SLCO1A2: variants seen among roughly 807,000 people sequenced by gnomAD.
SLCO1A2 encodes the protein OATP-1.
SLCO1A2 carries 67 observed loss-of-function variants against 69.0 expected under a neutral mutation model. The ratio of observed to expected loss-of-function variants is 0.97; its 90% confidence interval spans 0.80 to 1.19. SLCO1A2 has a LOEUF of 1.19. Among genes scored for constraint, SLCO1A2 ranks in the 50% most tolerant of loss-of-function variants. The probability of loss-of-function intolerance (pLI) is 0.00; values close to 1 mark genes in which losing one functional copy is unlikely to be tolerated. For synonymous variants in SLCO1A2, 260 were observed against 265.9 expected, an observed-to-expected ratio of 0.98 and a Z score of 0.22; for missense variants, 787 against 793.7, an observed-to-expected ratio of 0.99 and a Z score of 0.10.
chr12:21,357,992 G>A (rs963169542), intron 2 of SLCO1A2, among the ~76,000 whole-genome samples: 2 of 152,140 alleles, frequency 1.3e-5, no homozygotes, highest in Non-Finnish European at 2.9e-5. Flanking sequence ...TCAGACTTTG[G>A]TGGGTGGGTG....
intron 12 of SLCO1A2, among the ~76,000 whole-genome samples, chr12:21,275,955 T>C (rs1943752079): frequency 6.6e-6 from 1 of 151,788 alleles, no homozygotes; most frequent in South Asian, 2.1e-4. Context: ...AAAAAAAAAT[T>C]GTTTTTAATA....
chr12:21,323,595 A>T (rs1286001380), intron 2 of SLCO1A2, among the ~76,000 whole-genome samples: 2 of 152,154 alleles, frequency 1.3e-5, no homozygotes, highest in Admixed American at 6.6e-5. Flanking sequence ...ATAAATGAAA[A>T]TAAACTTTAA....
At chr12:21,344,274 T>C (rs1327752620) in intron 2 of SLCO1A2, among the ~76,000 whole-genome samples, 1 of 152,008 alleles carries the variant, frequency 6.6e-6, no homozygotes, top group Non-Finnish European at 1.5e-5. Flanking sequence ...AGAGACAATA[T>C]AATCCAAGGA....
At chr12:21,359,975 G>C (rs1481873485) in intron 2 of SLCO1A2, among the ~76,000 whole-genome samples, 1 of 151,856 alleles carries the variant, frequency 6.6e-6, no homozygotes, top group Non-Finnish European at 1.5e-5. Flanking sequence ...TATGCACATG[G>C]ATACGGAATG....
upstream of SLCO1A2, among the ~76,000 whole-genome samples, chr12:21,338,493 G>T (rs1390387080): frequency 6.6e-6 from 1 of 151,380 alleles, no homozygotes; most frequent in Non-Finnish European, 1.5e-5. Context: ...CCATCCCCTG[G>T]CCCCCACCCT....
At chr12:21,348,843 C>T (rs1379157681) in intron 2 of SLCO1A2, among the ~76,000 whole-genome samples, 1 of 152,152 alleles carries the variant, frequency 6.6e-6, no homozygotes, top group East Asian at 1.9e-4. Flanking sequence ...ATAGCGGGCA[C>T]ATGTCATTAT....
chr12:21,355,050 A>G (rs914073572), intron 2 of SLCO1A2: 3 of 152,194 alleles, frequency 2.0e-5, no homozygotes, highest in Non-Finnish European at 4.4e-5. Context: ...GTTCAAAAAT[A>G]CACTAAATCA....
intron 12 of SLCO1A2, among the ~76,000 whole-genome samples, chr12:21,286,974 C>G: frequency 6.7e-6 from 1 of 148,810 alleles, no homozygotes; most frequent in East Asian, 2.0e-4. Context: ...TCCAAAACAC[C>G]AAAAGCAATG....
At chr12:21,376,781 G>A (rs1053628527) in intron 1 of SLCO1A2, among the ~76,000 whole-genome samples, 2 of 151,966 alleles carry the variant, frequency 1.3e-5, no homozygotes, top group Admixed American at 1.3e-4. Context: ...TAAATCCATT[G>A]CATTTGAGTC....
chr12:21,332,813 C>A (rs1175956344), intron 2 of SLCO1A2, among the ~76,000 whole-genome samples: 1 of 152,140 alleles, frequency 6.6e-6, no homozygotes, highest in Non-Finnish European at 1.5e-5. Context: ...GAAGGCCCCA[C>A]TTCCTACTGC....
At chr12:21,297,730 C>G (rs1364471610) in intron 8 of SLCO1A2, among the ~76,000 whole-genome samples, 162 bp from the exon 9 acceptor site, 2 of 152,066 alleles carry the variant, frequency 1.3e-5, no homozygotes, top group African/African-American at 4.8e-5. Flanking sequence ...GAAGTCATAG[C>G]AATGTTTTGG....
intron 1 of SLCO1A2, among the ~76,000 whole-genome samples, chr12:21,416,688 A>C (rs191477974): frequency 9.2e-5 from 14 of 152,084 alleles, no homozygotes; most frequent in Admixed American, 9.2e-4. Context: ...GAGCAATTCC[A>C]CTACTGATTA....
At chr12:21,298,851 A>G (rs1221948963) in intron 8 of SLCO1A2, among the ~76,000 whole-genome samples, 1 of 152,158 alleles carries the variant, frequency 6.6e-6, no homozygotes, top group Non-Finnish European at 1.5e-5. Context: ...AGAATTTGCA[A>G]GATTCTGAGT....
chr12:21,388,420 GC>G (rs1940993797), intron 1 of SLCO1A2, among the ~76,000 whole-genome samples: 1 of 152,102 alleles, frequency 6.6e-6, no homozygotes, highest in Non-Finnish European at 1.5e-5. Context: ...TTTTTCCCAT[GC>G]CGTTCTTGTG....
Position 21,295,776 on chromosome 12 carries a change from AGGTAAGT to A in SLCO1A2, c.1085_1091del (p.Asn362IlefsTer8). ...CAATTATATATCCAATACATATTGGAGGTAAGTTATAAATACCTATAAATGCAAATAA... is the reference window on the plus strand; with the variant it reads ...CAATTATATATCCAATACATATTGGATATAAATACCTATAAATGCAAATAA... On this transcript the variant is annotated frameshift_variant, in exon 10 of 15. Coordinates refer to ENST00000683939, the MANE Select transcript of SLCO1A2 (RefSeq NM_001386879.1). LOFTEE classifies it high-confidence loss of function. 1.3e-6 allele frequency: 2 copies of A among 1,548,446 alleles called. No homozygotes were observed. Among genetic ancestry groups the A allele is most frequent in the Non-Finnish European group, 1.8e-6 (2 of 1,125,486 alleles).
At chr12:21,367,804 A>C (rs1939501949) in intron 2 of SLCO1A2, among the ~76,000 whole-genome samples, 1 of 152,124 alleles carries the variant, frequency 6.6e-6, no homozygotes, top group African/African-American at 2.4e-5. Context: ...GGATAATTTT[A>C]ATATGAAAAA....
chr12:21,293,822 A>T, intron 11 of SLCO1A2, 123 bp downstream of exon 11: 1 of 729,402 alleles, frequency 1.4e-6, no homozygotes, highest in African/African-American at 1.8e-5. Flanking sequence ...ATTTTTCCAC[A>T]TACAAAAAAA....
chr12:21,336,406 A>T (rs1039210522), upstream of SLCO1A2, among the ~76,000 whole-genome samples: 1 of 148,820 alleles, frequency 6.7e-6, no homozygotes, highest in Non-Finnish European at 1.5e-5. Context: ...CATCTAGAGC[A>T]GGTTTTTTCA....
chr12:21,403,711 C>CTTTTTTTT (rs71043273), intron 1 of SLCO1A2: 1 of 84,308 alleles, frequency 1.2e-5, no homozygotes, highest in Non-Finnish European at 2.2e-5. Context: ...CTCCTCCTTG[C>CTTTTTTTT]TTTTTTTTTT....
Sources: allele counts gnomAD v4.1 joint callset (sites outside exome capture counted in the v4.1 genomes callset), GRCh38; gene constraint gnomAD v4.1.1; transcripts MANE v1.5; gene names NCBI Gene and HGNC (gene_info 2026-07-23, HGNC 2026-07-21).